DSC1: variants seen among roughly 807,000 people sequenced by gnomAD.
DSC1 encodes the protein desmocollin-1.
Under a neutral mutation model 98.8 loss-of-function variants are expected in DSC1, and 79 were observed. The ratio of observed to expected loss-of-function variants is 0.80; its 90% CI spans 0.67 to 0.96. The LOEUF (loss-of-function observed/expected upper bound fraction) is 0.96, where lower values mean the gene tolerates loss of function less well. DSC1 is among the 50% of genes least tolerant of loss of function. The pLI, the probability that DSC1 is intolerant of heterozygous loss-of-function variation, is 0.00. For synonymous variants in DSC1, 405 were observed against 372.1 expected (o/e 1.09, Z -1.02); for missense variants, 1,115 against 1,075.9 (o/e 1.04, Z -0.51).
At chr18:31,158,084 T>G (rs971148893) in intron 2 of DSC1, among the ~76,000 whole-genome samples, 1 of 152,036 alleles carries the variant, frequency 6.6e-6, no homozygotes, top group African/African-American at 2.4e-5. Flanking sequence ...CTGGCCAATA[T>G]GGTGAAACTC....
chr18:31,142,276 A>C (rs1006103607), intron 8 of DSC1, 92 bp from the exon 9 acceptor site: 20 of 1,374,408 alleles, frequency 1.5e-5, no homozygotes, highest in Non-Finnish European at 2.0e-5. Context: ...AAAATAAATA[A>C]AGTGATGTGA....
intron 1 of DSC1, 111 bp from the exon 2 acceptor site, chr18:31,159,640 C>A (rs555831559): frequency 1.9e-6 from 2 of 1,027,768 alleles, no homozygotes; most frequent in African/African-American, 1.6e-5. Context: ...ACAAATTAAT[C>A]ATTTAATTCT....
intron 5 of DSC1, among the ~76,000 whole-genome samples, chr18:31,152,281 C>T (rs1989016376): frequency 6.6e-6 from 1 of 152,134 alleles, no homozygotes; most frequent in African/African-American, 2.4e-5. Flanking sequence ...ATCCCCAACA[C>T]TCAGAGAGAA....
rs1988457314 is a variant in DSC1 at position 31,130,380 on chromosome 18, A to G, written c.*134T>C. 5 of 888,186 alleles carry G rather than the reference A, an allele frequency of 5.6e-6. No homozygotes were observed. The East Asian group carries it at 1.3e-4, about 22-fold the overall frequency. 55.0% of individuals were successfully genotyped at this position (888,186 alleles called of 1,614,324 possible). ...CAAGGAGAATGTAGGGGAATCTCAT[A>G]TTTATAGTACCCTTACCTATACATG... On this transcript the variant is annotated 3_prime_UTR_variant, in exon 16 of 16. Coordinates refer to ENST00000257198, the MANE Select transcript of DSC1 (RefSeq NM_024421.2).
chr18:31,140,894 G>C (rs1215706585), intron 9 of DSC1, among the ~76,000 whole-genome samples: 1 of 152,108 alleles, frequency 6.6e-6, no homozygotes, highest in East Asian at 1.9e-4. Flanking sequence ...AGGGACCCAG[G>C]GCAAGGTAAT....
intron 7 of DSC1, among the ~76,000 whole-genome samples, 159 bp from the exon 8 acceptor site, chr18:31,143,950 C>T (rs1295255129): frequency 6.6e-6 from 1 of 152,028 alleles, no homozygotes; most frequent in Non-Finnish European, 1.5e-5. Context: ...CTCACTGTCA[C>T]CCAGGCTGGA....
intron 6 of DSC1, 150 bp from the exon 7 acceptor site, chr18:31,145,927 T>G: frequency 1.1e-6 from 1 of 871,312 alleles, no homozygotes; most frequent in Non-Finnish European, 1.7e-6. Flanking sequence ...GAAACTGTTC[T>G]AAATGTCTCC....
intron 5 of DSC1, among the ~76,000 whole-genome samples, chr18:31,152,692 A>T (rs979941530): frequency 5.9e-5 from 9 of 152,106 alleles, no homozygotes; most frequent in African/African-American, 2.2e-4. Context: ...AGCGAACTCT[A>T]GGAGGTTGTG....
intron 12 of DSC1, 123 bp downstream of exon 12, chr18:31,134,449 G>A: frequency 2.1e-6 from 2 of 939,104 alleles, no homozygotes; most frequent in Non-Finnish European, 3.1e-6. Flanking sequence ...AGGTATTGTT[G>A]TTTTTAGGGT....
chr18:31,153,914 G>A (rs957680169), intron 5 of DSC1, among the ~76,000 whole-genome samples: 1 of 152,096 alleles, frequency 6.6e-6, no homozygotes, highest in Non-Finnish European at 1.5e-5. Flanking sequence ...TGTCTGCTAA[G>A]ATATTACTCT....
At chr18:31,147,869 T>G (rs917437376) in intron 6 of DSC1, among the ~76,000 whole-genome samples, 4 of 152,182 alleles carry the variant, frequency 2.6e-5, no homozygotes, top group African/African-American at 9.6e-5. Context: ...TACATCACTT[T>G]TTTTGGAGTA....
At chr18:31,141,920 A>G in intron 9 of DSC1, 79 bp downstream of exon 9, 1 of 1,395,402 alleles carries the variant, frequency 7.2e-7, no homozygotes, top group Non-Finnish European at 9.7e-7. Context: ...CTAGTCATAT[A>G]CATATAAGAA....
In DSC1 at chr18:31,139,895, T is replaced by C. The variant is rs1210280971; in HGVS notation, c.1521-5A>G. ...TCATCCCCTAACTTCTGATACCTAA[T>C]TTTTAGAAATCAAATATGAACGGTC... is the stretch of plus-strand genomic sequence containing the variant. On this transcript the variant is annotated splice_region_variant and splice_polypyrimidine_tract_variant and intron_variant, in intron 10 of 15. Coordinates refer to ENST00000257198, the MANE Select transcript of DSC1 (RefSeq NM_024421.2). The C allele has an allele frequency of 6.3e-7, 1 of 1,592,874 alleles. No individual in the cohort carries two copies.
Position 31,159,531 on chromosome 18 carries a change from TC to T in DSC1, c.64-3del. The T allele has an allele frequency of 8.7e-7, 1 of 1,146,488 alleles. No homozygotes were observed. The highest frequency in any genetic ancestry group is 1.1e-6 in the Non-Finnish European group (1 of 879,070). The allele number at this position is 1,146,488 out of a possible 1,614,324, so 71.0% of individuals were successfully genotyped here. On this transcript the variant is annotated splice_region_variant and splice_polypyrimidine_tract_variant and intron_variant, in intron 1 of 15. Coordinates refer to ENST00000257198, the MANE Select transcript of DSC1 (RefSeq NM_024421.2). ...AGCATCGCAAAGTAATGTTAAAACC[TC>T]AAAAAAAAAAAAAGAAAAAATATCA...
chr18:31,148,187 C>A (rs1390592121), intron 6 of DSC1, among the ~76,000 whole-genome samples: 1 of 152,122 alleles, frequency 6.6e-6, no homozygotes, highest in Non-Finnish European at 1.5e-5. Context: ...ACTTCAGCAA[C>A]AACCCCACCC....
At chr18:31,147,026 G>C (rs1251291324) in intron 6 of DSC1, among the ~76,000 whole-genome samples, 1 of 152,142 alleles carries the variant, frequency 6.6e-6, no homozygotes, top group Non-Finnish European at 1.5e-5. Flanking sequence ...CATGGAAACA[G>C]AATGGAGGAG....
Position 31,133,802 on chromosome 18 carries a change from G to C in DSC1, c.2116+89C>G, listed in dbSNP as rs1278480967. On this transcript the variant is annotated intron_variant, in intron 13 of 15. Transcript: ENST00000257198. ...TTTTAAAAGAACACACTTCCCAAAG[G>C]CTATTAATATAAAAAACTTCCATGT... 4 of 1,291,450 alleles carry C rather than the reference G, an allele frequency of 3.1e-6. No homozygotes were observed. The East Asian group carries it at 1.0e-4, about 33-fold the overall frequency. 80.0% of individuals were successfully genotyped at this position (1,291,450 alleles called of 1,614,324 possible).
At position 31,131,647 on chromosome 18, in the gene DSC1, C is replaced by G; in HGVS notation, c.2434G>C (p.Gly812Arg). The G allele has an allele frequency of 6.2e-7, 1 of 1,614,106 alleles. No individual in the cohort carries two copies. Among genetic ancestry groups the G allele is most frequent in the Non-Finnish European group, 8.5e-7 (1 of 1,179,984 alleles). Residue 812 changes from glycine to arginine, a missense_variant, in exon 15 of 16, where the codon GGC becomes CGC. Transcript: ENST00000257198. The stretch of plus-strand genomic sequence containing the variant: ...TGCCAGTCCGTGTACGCATATCTGC[C>G]AGTATCTCCCTGCCCCACTCCCTTG... ...SVKGVGQGDT[G>R]RYAYTDWQSF... is the part of the protein sequence containing the mutation.
chr18:31,158,035 G>A (rs1435077383), intron 2 of DSC1, among the ~76,000 whole-genome samples: 2 of 152,174 alleles, frequency 1.3e-5, no homozygotes, highest in East Asian at 3.9e-4. Flanking sequence ...TTGGGAGGCC[G>A]AGGTGGGAGG....
Sources: allele counts gnomAD v4.1 joint callset (sites outside exome capture counted in the v4.1 genomes callset), GRCh38; gene constraint gnomAD v4.1.1; transcripts MANE v1.5; gene names NCBI Gene and HGNC (gene_info 2026-07-23, HGNC 2026-07-21).